Variants in FNDC3B observed in about 807,000 individuals in gnomAD.
FNDC3B encodes the protein fibronectin type III domain-containing protein 3B.
Under a neutral mutation model 151.5 loss-of-function variants are expected in FNDC3B, and 12 were observed. The observed-to-expected ratio is 0.08, with a 90% confidence interval of 0.05 to 0.13. The LOEUF (loss-of-function observed/expected upper bound fraction) is 0.13. FNDC3B is among the 10% of genes least tolerant of loss of function. The probability of loss-of-function intolerance (pLI) is 1.00; values close to 1 mark genes in which losing one functional copy is unlikely to be tolerated. For missense variants in FNDC3B, 1,214 were observed against 1,505.3 expected (o/e 0.81, Z 3.20); for synonymous variants, 528 against 549.0 (o/e 0.96, Z 0.54).
chr3:172,372,983 C>T (rs1734952859), intron 23 of FNDC3B, among the ~76,000 whole-genome samples: 1 of 152,134 alleles, frequency 6.6e-6, no homozygotes, highest in Middle Eastern at 3.2e-3. Flanking sequence ...CACAGGTCTT[C>T]CTGGGTCCAA....
intron 3 of FNDC3B, among the ~76,000 whole-genome samples, chr3:172,187,850 G>A (rs1367770717): frequency 1.3e-5 from 2 of 152,204 alleles, no homozygotes; most frequent in South Asian, 2.1e-4. Flanking sequence ...AAATGGCTGG[G>A]CTCAAGCAGT....
At chr3:172,292,454 G>C (rs1730394449) in intron 7 of FNDC3B, among the ~76,000 whole-genome samples, 1 of 152,166 alleles carries the variant, frequency 6.6e-6, no homozygotes, top group South Asian at 2.1e-4. Flanking sequence ...CTCTGTTCAG[G>C]TAAATAATAA....
intron 6 of FNDC3B, among the ~76,000 whole-genome samples, chr3:172,258,062 G>A (rs895965502): frequency 1.3e-5 from 2 of 152,182 alleles, no homozygotes; most frequent in African/African-American, 4.8e-5. Context: ...TTCCTTTTGT[G>A]TGACTAACAT....
intron 9 of FNDC3B, among the ~76,000 whole-genome samples, chr3:172,301,147 G>A (rs546193938): frequency 6.6e-6 from 1 of 152,322 alleles, no homozygotes; most frequent in South Asian, 2.1e-4. Flanking sequence ...AATGATACCA[G>A]CCTCAGGAAA....
At chr3:172,318,275 G>A (rs1230803963) in intron 11 of FNDC3B, among the ~76,000 whole-genome samples, 1 of 152,244 alleles carries the variant, frequency 6.6e-6, no homozygotes, top group Admixed American at 6.5e-5. Context: ...GGAGCCATTA[G>A]CAGGTCAGGC....
In FNDC3B at chr3:172,397,625, C is replaced by T. The variant is rs1273580172; in HGVS notation, c.*150C>T. 9.3e-6 allele frequency: 4 copies of T among 429,188 alleles called. No individual in the cohort carries two copies. Among genetic ancestry groups the T allele is most frequent in the Non-Finnish European group, 1.6e-5 (4 of 253,006 alleles). The allele number at this position is 429,188 out of a possible 1,614,324, so 26.6% of individuals were successfully genotyped here. On this transcript the variant is annotated 3_prime_UTR_variant, in exon 26 of 26. Coordinates refer to ENST00000415807, the MANE Select transcript of FNDC3B (RefSeq NM_022763.4). ...GAAAAAAAATGTCAGTGTTTTGGTG[C>T]ACCTTTTTGAAATGCAAAACTAGGA...
intron 8 of FNDC3B, among the ~76,000 whole-genome samples, 184 bp downstream of exon 8, chr3:172,295,698 A>G (rs1299315272): frequency 6.6e-6 from 1 of 152,236 alleles, no homozygotes; most frequent in Non-Finnish European, 1.5e-5. Flanking sequence ...TTTGGAAATG[A>G]GTAGCATAGA....
chr3:172,292,625 A>G (rs1412021176), intron 7 of FNDC3B, among the ~76,000 whole-genome samples: 2 of 152,256 alleles, frequency 1.3e-5, no homozygotes, highest in African/African-American at 4.8e-5. Context: ...CATTCATGGA[A>G]TCAGTGTTAC....
chr3:172,328,806 C>T (rs1400818280), intron 11 of FNDC3B, 146 bp from the exon 12 acceptor site: 2 of 581,230 alleles, frequency 3.4e-6, no homozygotes, highest in Non-Finnish European at 5.7e-6. Flanking sequence ...ATGGACACTT[C>T]CCTGTAAGTT....
At chr3:172,371,938 A>T (rs1734901950) in intron 23 of FNDC3B, among the ~76,000 whole-genome samples, 1 of 152,250 alleles carries the variant, frequency 6.6e-6, no homozygotes, top group South Asian at 2.1e-4. Context: ...ATATTTACAT[A>T]GTATTAAAAA....
At chr3:172,125,857 T>A (rs1291681748) in intron 2 of FNDC3B, among the ~76,000 whole-genome samples, 1 of 152,198 alleles carries the variant, frequency 6.6e-6, no homozygotes, top group Non-Finnish European at 1.5e-5. Context: ...CGTACCGGGT[T>A]GCTCATGAGT....
intron 14 of FNDC3B, among the ~76,000 whole-genome samples, chr3:172,334,191 G>T (rs529635208): frequency 6.2e-4 from 95 of 152,258 alleles, no homozygotes; most frequent in African/African-American, 2.2e-3. Context: ...TGAGGGAAAT[G>T]ATAATTTTTA....
In FNDC3B at chr3:172,045,788, C is replaced by CTATATA. The variant is rs1427723759; in HGVS notation, c.-29+6018_-29+6019insATATAT. Among the ~76,000 whole-genome samples, 8 of 134,964 alleles carry CTATATA rather than the reference C, an allele frequency of 5.9e-5. No individual in the cohort carries two copies. The South Asian group carries it at 1.9e-3, about 32-fold the overall frequency. 88.5% of individuals were successfully genotyped at this position (134,964 alleles called of 152,430 possible). On this transcript the variant is annotated intron_variant, in intron 1 of 25. Coordinates refer to ENST00000415807, the MANE Select transcript of FNDC3B (RefSeq NM_022763.4). ...AGTGTCTCTCTCTCTCTCTCTCTCT[C>CTATATA]TCTCTCTATATATATATATACACTT...
At chr3:172,345,232 C>CA (rs1733543841) in intron 19 of FNDC3B, among the ~76,000 whole-genome samples, 1 of 152,066 alleles carries the variant, frequency 6.6e-6, no homozygotes, top group South Asian at 2.1e-4. Flanking sequence ...TAAGTGAAAA[C>CA]AAAAAAGTCT....
At chr3:172,209,123 G>T (rs748414280) in intron 3 of FNDC3B, among the ~76,000 whole-genome samples, 3 of 152,038 alleles carry the variant, frequency 2.0e-5, no homozygotes. Flanking sequence ...CGCAGTGAGC[G>T]GGGGTGGGGG....
At position 172,052,088 on chromosome 3, in the gene FNDC3B, CT is replaced by C. The variant is rs571140016; in HGVS notation, c.-29+12331del. ...AAAAATAATCTTTGTCTGTCTTCTT[CT>C]TTTTTTTTTTTTTGAGACAGGGTCT... On this transcript the variant is annotated intron_variant, in intron 1 of 25. Transcript: ENST00000415807. Among the ~76,000 whole-genome samples the C allele has an allele frequency of 4.8e-3, 678 of 141,502 alleles. 1 individual carries two copies. Among genetic ancestry groups the C allele is most frequent in the African/African-American group, 4.9e-3 (189 of 38,782 alleles). 92.8% of individuals were successfully genotyped at this position (141,502 alleles called of 152,430 possible).
At chr3:172,374,587 G>A (rs1735039859) in intron 23 of FNDC3B, among the ~76,000 whole-genome samples, 1 of 152,070 alleles carries the variant, frequency 6.6e-6, no homozygotes, top group Non-Finnish European at 1.5e-5. Context: ...TAGAGATGGG[G>A]TTTCACCATG....
chr3:172,100,548 A>G (rs557863167), intron 1 of FNDC3B, among the ~76,000 whole-genome samples: 3 of 152,346 alleles, frequency 2.0e-5, no homozygotes, highest in African/African-American at 7.2e-5. Context: ...ATATGACTAT[A>G]TACATACTTT....
At chr3:172,394,952 A>G (rs1736201620) in intron 25 of FNDC3B, among the ~76,000 whole-genome samples, 1 of 152,180 alleles carries the variant, frequency 6.6e-6, no homozygotes, top group African/African-American at 2.4e-5. Context: ...AAATCGACAA[A>G]TGTGATACAT....
Sources: allele counts gnomAD v4.1 joint callset (sites outside exome capture counted in the v4.1 genomes callset), GRCh38; gene constraint gnomAD v4.1.1; transcripts MANE v1.5; gene names NCBI Gene and HGNC (gene_info 2026-07-23, HGNC 2026-07-21).